Variants in AKAP13 observed in about 807,000 individuals in gnomAD.
AKAP13 encodes A-kinase anchoring protein 13, also known as A-kinase anchor protein 13.
Under a neutral mutation model 264.5 loss-of-function variants are expected in AKAP13, and 80 were observed. The ratio of observed to expected loss-of-function variants is 0.30; its 90% CI spans 0.25 to 0.36. The LOEUF is 0.36. AKAP13 is among the 10% of genes least tolerant of loss of function. The pLI is 1.00. For synonymous variants in AKAP13, 1,380 were observed against 1,250.2 expected, an observed-to-expected ratio of 1.10 and a Z score of -2.19; for missense variants, 3,712 against 3,435.2, an observed-to-expected ratio of 1.08 and a Z score of -2.01.
intron 1 of AKAP13, among the ~76,000 whole-genome samples, chr15:85,428,024 T>C (rs1164264869): frequency 2.0e-5 from 3 of 152,122 alleles, no homozygotes; most frequent in African/African-American, 4.8e-5. Flanking sequence ...GAAACCAGAA[T>C]CTCCCACCAG....
chr15:85,602,896 A>G lies in AKAP13; in HGVS notation c.4161+17073A>G, dbSNP rs769902582. Among the ~76,000 whole-genome samples, 35 of 152,254 alleles carry G rather than the reference A, an allele frequency of 2.3e-4. 1 individual carries two copies. Among genetic ancestry groups the G allele is most frequent in the Admixed American group, 2.3e-3 (35 of 15,286 alleles). ...GTAATACAACTCTTCCAAATGTTGA[A>G]TGTTTCATTCTACAATATCAGAAAC... On this transcript the variant is annotated intron_variant, in intron 8 of 36. Coordinates refer to ENST00000394518, the MANE Select transcript of AKAP13 (RefSeq NM_007200.5).
At chr15:85,464,121 A>G (rs1350723566) in intron 1 of AKAP13, among the ~76,000 whole-genome samples, 2 of 152,102 alleles carry the variant, frequency 1.3e-5, no homozygotes, top group Admixed American at 1.3e-4. Context: ...CCAACAACCA[A>G]AGGGTTAAAG....
At chr15:85,451,322 A>G (rs2074081916) in intron 1 of AKAP13, among the ~76,000 whole-genome samples, 1 of 152,040 alleles carries the variant, frequency 6.6e-6, no homozygotes, top group African/African-American at 2.4e-5. Flanking sequence ...TTGCTTTTTT[A>G]TCCTTGCCAC....
chr15:85,446,703 TCTTTTTC>T, intron 1 of AKAP13, among the ~76,000 whole-genome samples: 1 of 132,936 alleles, frequency 7.5e-6, no homozygotes, highest in East Asian at 2.3e-4. Context: ...CCCTTCTTTT[TCTTTTTC>T]TTTTTTTTTT....
At chr15:85,427,247 G>A (rs934986611) in intron 1 of AKAP13, among the ~76,000 whole-genome samples, 22 of 152,048 alleles carry the variant, frequency 1.4e-4, no homozygotes, top group African/African-American at 4.8e-4. Flanking sequence ...GAGCCACCGC[G>A]CCCGGCCTTA....
intron 1 of AKAP13, among the ~76,000 whole-genome samples, chr15:85,407,275 T>C (rs1207049039): frequency 6.7e-6 from 1 of 149,128 alleles, no homozygotes; most frequent in African/African-American, 2.5e-5. Context: ...TCACCCAGGC[T>C]GGAATGCAGT....
chr15:85,465,705 G>A (rs965666674), intron 1 of AKAP13, among the ~76,000 whole-genome samples: 1 of 151,188 alleles, frequency 6.6e-6, no homozygotes, highest in Non-Finnish European at 1.5e-5. Flanking sequence ...TGGCCGCATA[G>A]TATTCTATGG....
chr15:85,716,931 G>A (rs1326152060), intron 20 of AKAP13, among the ~76,000 whole-genome samples: 4 of 152,222 alleles, frequency 2.6e-5, no homozygotes, highest in Non-Finnish European at 5.9e-5. Context: ...TGCTAGATCT[G>A]TAGTTATCTA....
intron 16 of AKAP13, among the ~76,000 whole-genome samples, chr15:85,688,462 AT>A (rs1311791267): frequency 1.3e-5 from 2 of 152,222 alleles, no homozygotes; most frequent in African/African-American, 4.8e-5. Context: ...ACCGAATATA[AT>A]ATTAAAATGC....
In AKAP13 at chr15:85,476,371, A is replaced by C. The variant is rs182658438; in HGVS notation, c.-11-9339A>C. ...TGTTGGAATGTATATTTTCCTCACC[A>C]TCACCTTTTATTTAGAATTAGGGAT... On this transcript the variant is annotated intron_variant, in intron 1 of 36. Coordinates refer to ENST00000394518, the MANE Select transcript of AKAP13 (RefSeq NM_007200.5). Among the ~76,000 whole-genome samples, 21 of 152,328 alleles carry C rather than the reference A, an allele frequency of 1.4e-4. No individual in the cohort carries two copies. The East Asian group carries it at 3.5e-3, about 25-fold the overall frequency.
intron 29 of AKAP13, among the ~76,000 whole-genome samples, chr15:85,728,459 A>G (rs1441942457): frequency 6.6e-6 from 1 of 152,242 alleles, no homozygotes; most frequent in Non-Finnish European, 1.5e-5. Flanking sequence ...TTTGTCAAGT[A>G]CCTGGCTAGG....
intron 5 of AKAP13, among the ~76,000 whole-genome samples, chr15:85,567,941 GGTGTGTGTGTGTGTGTGT>G (rs57049395): frequency 2.1e-5 from 3 of 141,826 alleles, no homozygotes; most frequent in Non-Finnish European, 3.0e-5. Flanking sequence ...AGCCCAAAGA[GGTGTGTGTGTGTGTGTGT>G]GTGTGTGTGT....
intron 14 of AKAP13, among the ~76,000 whole-genome samples, chr15:85,681,907 C>G (rs1356629397): frequency 1.3e-5 from 2 of 152,028 alleles, no homozygotes; most frequent in Non-Finnish European, 2.9e-5. Flanking sequence ...TATTTGGAGT[C>G]TTTTTAGTTA....
intron 16 of AKAP13, 84 bp downstream of exon 16, chr15:85,684,957 A>G (rs1431072005): frequency 6.9e-7 from 1 of 1,442,968 alleles, no homozygotes; most frequent in Non-Finnish European, 9.3e-7. Flanking sequence ...TGGTTAAATC[A>G]TGGGGACATA....
intron 1 of AKAP13, among the ~76,000 whole-genome samples, chr15:85,441,261 CT>C (rs1243141427): frequency 1.3e-5 from 2 of 151,380 alleles, no homozygotes; most frequent in Admixed American, 6.6e-5. Context: ...TAATGTTAAG[CT>C]TTTTTTTACT....
intron 8 of AKAP13, among the ~76,000 whole-genome samples, chr15:85,592,517 GGT>G (rs971230538): frequency 6.6e-6 from 1 of 152,068 alleles, no homozygotes; most frequent in Admixed American, 6.5e-5. Flanking sequence ...ATAGTTTTGT[GGT>G]GTGTGTGTCA....
intron 2 of AKAP13, among the ~76,000 whole-genome samples, chr15:85,520,358 C>T (rs1055558906): frequency 2.4e-4 from 36 of 151,512 alleles, no homozygotes; most frequent in African/African-American, 8.2e-4. Context: ...TTTAGCTGGG[C>T]GTGGTGGTGG....
intron 9 of AKAP13, among the ~76,000 whole-genome samples, chr15:85,641,054 A>G (rs1243448204): frequency 6.6e-6 from 1 of 152,178 alleles, no homozygotes; most frequent in Non-Finnish European, 1.5e-5. Context: ...GATTTTAGGC[A>G]TAGTGTTTTT....
At chr15:85,519,886 C>T (rs1474214371) in intron 2 of AKAP13, among the ~76,000 whole-genome samples, 2 of 152,146 alleles carry the variant, frequency 1.3e-5, no homozygotes, top group South Asian at 2.1e-4. Flanking sequence ...TGGTATGTTT[C>T]TCTTGTTGGC....
Sources: allele counts gnomAD v4.1 joint callset (sites outside exome capture counted in the v4.1 genomes callset), GRCh38; gene constraint gnomAD v4.1.1; transcripts MANE v1.5; gene names NCBI Gene and HGNC (gene_info 2026-07-23, HGNC 2026-07-21).